The following MSR1 variants were observed in gnomAD, a reference collection of about 807,000 sequenced individuals.
MSR1 encodes macrophage scavenger receptor 1, also known as macrophage scavenger receptor types I and II.
MSR1 carries 53 observed loss-of-function variants against 47.2 expected under a neutral mutation model. The observed-to-expected ratio is 1.12, with a 90% CI of 0.90 to 1.41. MSR1 has a LOEUF of 1.41. Among genes scored for constraint, MSR1 ranks in the 40% most tolerant of loss-of-function variants. The pLI, the probability that MSR1 is intolerant of heterozygous loss-of-function variation, is 0.00. For synonymous variants in MSR1, 239 were observed against 185.6 expected, an observed-to-expected ratio of 1.29 and a Z score of -2.34; for missense variants, 786 against 546.9, an observed-to-expected ratio of 1.44 and a Z score of -4.36.
At position 16,161,239 on chromosome 8, in the gene MSR1, A is replaced by G. The variant is rs573928591; in HGVS notation, c.817+2826T>C. On this transcript the variant is annotated intron_variant, in intron 5 of 9. Transcript: ENST00000262101. ...ATGGATTACATAGAGAATGAGAGCA[A>G]GGAAGTCAAAGACAGCTTCCAAGAT... Among the ~76,000 whole-genome samples the G allele has an allele frequency of 4.6e-5, 7 of 151,968 alleles. No homozygotes were observed. The South Asian group carries it at 1.5e-3, about 32-fold the overall frequency.
chr8:16,136,682 A>T (rs1368927342), intron 8 of MSR1, among the ~76,000 whole-genome samples: 1 of 152,098 alleles, frequency 6.6e-6, no homozygotes, highest in Non-Finnish European at 1.5e-5. Flanking sequence ...AGCTCACTGC[A>T]ACCTCTGCCT....
At chr8:16,168,210 A>G (rs1801372113) in intron 4 of MSR1, among the ~76,000 whole-genome samples, 1 of 152,248 alleles carries the variant, frequency 6.6e-6, no homozygotes, top group African/African-American at 2.4e-5. Flanking sequence ...AACAGTATTT[A>G]TAAAATATGT....
At chr8:16,137,741 C>A (rs188796046) in intron 8 of MSR1, among the ~76,000 whole-genome samples, 1 of 152,128 alleles carries the variant, frequency 6.6e-6, no homozygotes, top group East Asian at 1.9e-4. Context: ...ACCTGTAATC[C>A]CAAGATTTTG....
chr8:16,164,322 C>A, intron 4 of MSR1, 71 bp from the exon 5 acceptor site: 1 of 1,342,078 alleles, frequency 7.5e-7, no homozygotes, highest in Non-Finnish European at 1.1e-6. Context: ...GTTCAAGAAA[C>A]CCTCGGAGTT....
intron 1 of MSR1, among the ~76,000 whole-genome samples, chr8:16,178,473 A>C (rs1359428592): frequency 1.3e-5 from 2 of 152,152 alleles, no homozygotes; most frequent in Non-Finnish European, 2.9e-5. Context: ...CACGGTGTAC[A>C]TGTGCCACAT....
rs1220650171 is a variant in MSR1, at chr8:16,189,516, TA to T, written c.-5+3081del. On this transcript the variant is annotated intron_variant, in intron 1 of 9. Coordinates refer to ENST00000262101, the MANE Select transcript of MSR1 (RefSeq NM_138715.3). ...CTTATTTTATATATATTTTTATATA[TA>T]AAAAATCATATTTTATATATATTTT... 5.3e-4 allele frequency among the ~76,000 whole-genome samples: 52 copies of T among 98,640 alleles called. 3 individuals are homozygous for T. Among genetic ancestry groups the T allele is most frequent in the Non-Finnish European group, 4.1e-4 (24 of 58,246 alleles). 64.7% of individuals were successfully genotyped at this position (98,640 alleles called of 152,430 possible). A position where few individuals can be genotyped will look rare whatever the true frequency, so the allele number is the denominator to read the frequency against.
chr8:16,120,616 TAAAAAAAAAAA>T lies in MSR1; in HGVS notation c.1034-21_1034-11del. The T allele has an allele frequency of 1.1e-5, 13 of 1,195,890 alleles. No homozygotes were observed. Among genetic ancestry groups the T allele is most frequent in the Admixed American group, 3.8e-5 (1 of 26,296 alleles). 74.1% of individuals were successfully genotyped at this position (1,195,890 alleles called of 1,614,324 possible). On this transcript the variant is annotated splice_polypyrimidine_tract_variant and intron_variant, in intron 8 of 9. Coordinates refer to ENST00000262101, the MANE Select transcript of MSR1 (RefSeq NM_138715.3). ...ACTTTCGTAAATGGAGCTGTAAAGT[TAAAAAAAAAAA>T]AAAAAAAAAAAAAAGGCAAGCAAGG...
At chr8:16,127,546 T>C (rs1302378126) in intron 8 of MSR1, among the ~76,000 whole-genome samples, 2 of 152,146 alleles carry the variant, frequency 1.3e-5, no homozygotes, top group Non-Finnish European at 2.9e-5. Flanking sequence ...CTACACACAA[T>C]AGCTTGTCAA....
At chr8:16,156,628 G>C (rs910564990) in intron 5 of MSR1, among the ~76,000 whole-genome samples, 1 of 151,816 alleles carries the variant, frequency 6.6e-6, no homozygotes, top group Admixed American at 6.6e-5. Flanking sequence ...TAGAAAAAGC[G>C]TGAGGAAGAA....
At chr8:16,145,337 G>A (rs73205027) in intron 7 of MSR1, among the ~76,000 whole-genome samples, 23,376 of 151,994 alleles carry the variant, frequency 0.15, 2,154 homozygotes, top group Admixed American at 0.23. Flanking sequence ...TTTTCAGATT[G>A]TCCAAGAGGA....
At chr8:16,167,415 C>T (rs1256675315) in intron 4 of MSR1, among the ~76,000 whole-genome samples, 4 of 152,018 alleles carry the variant, frequency 2.6e-5, no homozygotes, top group South Asian at 2.1e-4. Flanking sequence ...TGAGGTAGCA[C>T]GTACCTTTGA....
At chr8:16,170,995 G>A (rs945530832) in intron 3 of MSR1, among the ~76,000 whole-genome samples, 4 of 152,096 alleles carry the variant, frequency 2.6e-5, no homozygotes, top group African/African-American at 9.7e-5. Flanking sequence ...AAGAGGCTGT[G>A]TGTGGATCAC....
intron 1 of MSR1, among the ~76,000 whole-genome samples, chr8:16,184,216 T>C (rs1019768740): frequency 6.6e-6 from 1 of 152,026 alleles, no homozygotes; most frequent in African/African-American, 2.4e-5. Flanking sequence ...CCTTTTATTA[T>C]TATACTTTCT....
At position 16,109,280 on chromosome 8, in the gene MSR1, T is replaced by C. The variant is rs1799704880; in HGVS notation, c.*805A>G. ...CACTGAAGATGTTTGCATTGTTTGT[T>C]AAAATGGATTAATCAGATTTAAATT... On this transcript the variant is annotated 3_prime_UTR_variant, in exon 10 of 10. Coordinates refer to ENST00000262101, the MANE Select transcript of MSR1 (RefSeq NM_138715.3). The C allele has an allele frequency of 1.3e-5, 2 of 150,940 alleles. No individual in the cohort carries two copies. The highest frequency in any genetic ancestry group is 4.2e-4 in the South Asian group (2 of 4,764). The allele number at this position is 150,940 out of a possible 1,614,324, so 9.4% of individuals were successfully genotyped here.
intron 1 of MSR1, 36 bp downstream of exon 1, chr8:16,192,562 G>GA (rs1802229246): frequency 6.6e-6 from 1 of 151,678 alleles, no homozygotes; most frequent in Admixed American, 6.6e-5. Context: ...AACAATTCTG[G>GA]AAAAAACATT....
At chr8:16,151,584 T>C (rs537979532) in intron 6 of MSR1, among the ~76,000 whole-genome samples, 1 of 152,266 alleles carries the variant, frequency 6.6e-6, no homozygotes, top group East Asian at 1.9e-4. Flanking sequence ...TACAATAATC[T>C]GTGGCAATGG....
At chr8:16,139,766 AAAAAAAAAATATATATATATATAT>A (rs1800491485) in intron 8 of MSR1, 1 of 158,516 alleles carries the variant, frequency 6.3e-6, no homozygotes, top group African/African-American at 7.7e-5. Flanking sequence ...AAAAAAAAAA[AAAAAAAAAATATATATATATATAT>A]ATATATATAT....
At chr8:16,140,580 C>T (rs115232574) in intron 8 of MSR1, 45 of 1,062,178 alleles carry the variant, frequency 4.2e-5, no homozygotes, top group South Asian at 1.1e-4. Context: ...TGGTAGGAAT[C>T]GCTTTGCTTG....
In MSR1 at chr8:16,164,170, G is replaced by A. The variant is rs1321220302; in HGVS notation, c.712C>T (p.Gln238Ter). The A allele has an allele frequency of 6.2e-7, 1 of 1,611,954 alleles. No individual in the cohort carries two copies. Among genetic ancestry groups the A allele is most frequent in the Non-Finnish European group, 8.5e-7 (1 of 1,178,632 alleles). The change falls in exon 5 of 10, where the codon CAG becomes TAG. Residue 238 changes from glutamine to a stop codon, truncating the protein, a stop_gained. Coordinates refer to ENST00000262101, the MANE Select transcript of MSR1 (RefSeq NM_138715.3). LOFTEE classifies it high-confidence loss of function. Reference sequence around the variant, plus strand: ...ACTTTCACTTCTCCTTTTATTTCCTGTTCCAAATGCACTTGTTCTTCTTTC... The same window carrying A: ...ACTTTCACTTCTCCTTTTATTTCCTATTCCAAATGCACTTGTTCTTCTTTC... ...AMKEEQVHLEQEIKGEVKVLN... is the reference protein window; with the variant it reads ...AMKEEQVHLE
Sources: allele counts gnomAD v4.1 joint callset (sites outside exome capture counted in the v4.1 genomes callset), GRCh38; gene constraint gnomAD v4.1.1; transcripts MANE v1.5; gene names NCBI Gene and HGNC (gene_info 2026-07-23, HGNC 2026-07-21).